The following PDGFRB variants were observed in gnomAD, a reference collection of about 807,000 sequenced individuals.
PDGFRB encodes platelet derived growth factor receptor beta, also known as platelet-derived growth factor receptor beta.
Under a neutral mutation model 120.2 loss-of-function variants are expected in PDGFRB, and 42 were observed. The ratio of observed to expected loss-of-function variants is 0.35; its 90% confidence interval spans 0.27 to 0.45. The LOEUF (loss-of-function observed/expected upper bound fraction) is 0.45. Ranked by LOEUF, PDGFRB falls within the 20% of genes least tolerant of loss-of-function variation. PDGFRB has a pLI of 1.00. For synonymous variants in PDGFRB, 586 were observed against 606.8 expected (o/e 0.97, Z 0.50); for missense variants, 1,149 against 1,476.3 (o/e 0.78, Z 3.63).
intron 1 of PDGFRB, among the ~76,000 whole-genome samples, chr5:150,148,142 G>A (rs766171948): frequency 3.0e-4 from 46 of 152,308 alleles, no homozygotes; most frequent in Non-Finnish European, 6.2e-4. Context: ...CACACTCGGC[G>A]ATTCGGTGGC....
rs528424609 is a variant in PDGFRB, at chr5:150,144,454, C to T, written c.-6-7401G>A. 4.7e-4 allele frequency among the ~76,000 whole-genome samples: 72 copies of T among 152,180 alleles called. 1 individual carries two copies. The highest frequency in any genetic ancestry group is 1.3e-4 in the Non-Finnish European group (9 of 68,040). ...CTGCATGCTCCTCTCCCCATGAGGC[C>T]TCCCCAGGGAACACAATGGAAAGAA... On this transcript the variant is annotated intron_variant, in intron 1 of 22. Coordinates refer to ENST00000261799, the MANE Select transcript of PDGFRB (RefSeq NM_002609.4).
At chr5:150,117,924 G>A (rs1016469644) in intron 21 of PDGFRB, 74 bp from the exon 22 acceptor site, 14 of 805,968 alleles carry the variant, frequency 1.7e-5, no homozygotes, top group Admixed American at 1.1e-4. Context: ...TCTTCTAACC[G>A]AGCCCATCCC....
At chr5:150,134,180 C>T (rs1760558260) in intron 4 of PDGFRB, 172 bp from the exon 5 acceptor site, 3 of 643,508 alleles carry the variant, frequency 4.7e-6, no homozygotes, top group Non-Finnish European at 8.3e-6. Context: ...ATTCTGGACA[C>T]TGGAGCAACA....
intron 8 of PDGFRB, 25 bp from the exon 9 acceptor site, chr5:150,130,687 G>C: frequency 6.2e-7 from 1 of 1,611,140 alleles, no homozygotes. Context: ...CACTGAGTTA[G>C]GAGGCGGGAG....
Position 150,121,260 on chromosome 5 carries a change from G to C in PDGFRB, c.2407C>G (p.Leu803Val), listed in dbSNP as rs2113889802. 1 of 1,609,346 alleles carries C rather than the reference G, an allele frequency of 6.2e-7. No individual in the cohort carries two copies. The highest frequency in any genetic ancestry group is 8.5e-7 in the Non-Finnish European group (1 of 1,175,718). The change falls in exon 17 of 23, where the codon CTC (leucine) becomes GTC (valine). Residue 803 changes from leucine to valine, a missense_variant. Transcript: ENST00000261799. This position sits in a 1 kb window ranked among gnomAD's most constrained non-coding sequence, Gnocchi z 4.1. ...NESPVLSYMDLVGFSYQVANG... is the reference protein window; with the variant it reads ...NESPVLSYMDVVGFSYQVANG... ...GCCACCTGGTAGCTGAAGCCCACGA[G>C]GTCCATGTAGCTTAGCACTGGAGAC...
At chr5:150,125,673 C>A (rs1760274872) in intron 11 of PDGFRB, 96 bp from the exon 12 acceptor site, 1 of 1,221,732 alleles carries the variant, frequency 8.2e-7, no homozygotes, top group South Asian at 1.4e-5. Context: ...GCAGGAGACC[C>A]TGAGGCCCAG....
chr5:150,117,576 ACACT>A (rs748045679), intron 22 of PDGFRB, 38 bp downstream of exon 22: 2 of 1,067,392 alleles, frequency 1.9e-6, no homozygotes, highest in East Asian at 2.4e-5. Context: ...ACACACACAC[ACACT>A]GTGCACAATT....
At chr5:150,125,889 GT>G (rs920064030) in intron 11 of PDGFRB, among the ~76,000 whole-genome samples, 17 of 152,248 alleles carry the variant, frequency 1.1e-4, no homozygotes, top group African/African-American at 4.1e-4. Context: ...TCAGATGGAA[GT>G]AGTAGAGCAG....
In PDGFRB at chr5:150,134,007, C is replaced by T; in HGVS notation, c.633G>A (p.Val211=). 1.9e-6 allele frequency: 3 copies of T among 1,614,026 alleles called. No individual in the cohort carries two copies. The highest frequency in any genetic ancestry group is 2.5e-6 in the Non-Finnish European group (3 of 1,179,962). ...CGTTCACAGAGACGTTGATGGATGA[C>T]ACTGGTAGAGAGAGATTGGCTTAGG... ...SDAYYVYRLQ[V]SSINVSVNAV... Residue 211 remains valine, a splice_region_variant and synonymous_variant, in exon 5 of 23, where the codon GTG becomes GTA. Coordinates refer to ENST00000261799, the MANE Select transcript of PDGFRB (RefSeq NM_002609.4).
At chr5:150,131,921 AG>A (rs1159365458) in intron 8 of PDGFRB, 57 bp downstream of exon 8, 83 of 899,934 alleles carry the variant, frequency 9.2e-5, no homozygotes, top group Admixed American at 3.2e-4. Flanking sequence ...AGGAAGGGAG[AG>A]GGAACGGGGG....
At position 150,117,542 on chromosome 5, in the gene PDGFRB, G is replaced by GCACACACACA. The variant is rs1289430637; in HGVS notation, c.3137+75_3137+76insTGTGTGTGTG. 297 of 463,294 alleles carry GCACACACACA rather than the reference G, an allele frequency of 6.4e-4. 2 individuals are homozygous for GCACACACACA. Among genetic ancestry groups the GCACACACACA allele is most frequent in the East Asian group, 4.2e-3 (138 of 32,592 alleles). The allele number at this position is 463,294 out of a possible 1,614,324, so 28.7% of individuals were successfully genotyped here. On this transcript the variant is annotated intron_variant, in intron 22 of 22. Coordinates refer to ENST00000261799, the MANE Select transcript of PDGFRB (RefSeq NM_002609.4). ...CAAACCTGGCAGCGCGCGCGCGCGC[G>GCACACACACA]CGCACACACACACACACACACACAC...
chr5:150,146,128 C>T (rs947500691), intron 1 of PDGFRB, among the ~76,000 whole-genome samples: 1 of 151,910 alleles, frequency 6.6e-6, no homozygotes, highest in Non-Finnish European at 1.5e-5. Flanking sequence ...CACCTGTGGC[C>T]CATTTCATTC....
At chr5:150,153,374 A>G (rs2113936242) in intron 1 of PDGFRB, 1 of 152,382 alleles carries the variant, frequency 6.6e-6, no homozygotes, top group South Asian at 2.1e-4. Flanking sequence ...TGCTGAAGCC[A>G]GGAGCAGGCT....
chr5:150,132,068 C>G lies in PDGFRB; in HGVS notation c.1154G>C (p.Arg385Pro), dbSNP rs375122221. 6.2e-7 allele frequency: 1 copy of G among 1,608,938 alleles called. No homozygotes were observed. The highest frequency in any genetic ancestry group is 8.5e-7 in the Non-Finnish European group (1 of 1,175,356). ...TRYVSELTLV[R>P]VKVAEAGHYT... ...GTGGCCAGCCTCTGCCACCTTCACG[C>G]GAACCAGTGTCAGCTCTGACACATA... is the stretch of plus-strand genomic sequence containing the variant. The change falls in exon 8 of 23, where the codon CGC (arginine) becomes CCC (proline). Residue 385 changes from arginine to proline, a missense_variant. Arg to Pro is a moderately radical substitution (Grantham distance 103). Around this residue, in one of 3 missense-constraint regions of PDGFRB, gnomAD observed 879 missense variants for 1,108.6 expected, o/e 0.79. Coordinates refer to ENST00000261799, the MANE Select transcript of PDGFRB (RefSeq NM_002609.4). This position sits in a 1 kb window ranked among gnomAD's most constrained non-coding sequence, Gnocchi z 5.0.
chr5:150,135,634 C>T lies in PDGFRB; in HGVS notation c.285G>A (p.Thr95=), dbSNP rs556826386. The part of the protein sequence containing the change: ...LTLTNLTGLD[T]GEYFCTHNDS... ...CATTGTGGGTGCAAAAGTATTCTCC[C>T]GTGTCTAGCCCAGTGAGGTTGGTCA... Residue 95 remains threonine (T), a synonymous_variant, in exon 3 of 23, where the codon ACG becomes ACA. Coordinates refer to ENST00000261799, the MANE Select transcript of PDGFRB (RefSeq NM_002609.4). The T allele has an allele frequency of 1.1e-5, 18 of 1,613,964 alleles. No individual in the cohort carries two copies. The highest frequency in any genetic ancestry group is 2.2e-5 in the East Asian group (1 of 44,882).
chr5:150,130,770 G>A (rs2113904448), intron 8 of PDGFRB, 108 bp from the exon 9 acceptor site: 3 of 890,630 alleles, frequency 3.4e-6, no homozygotes, highest in East Asian at 4.9e-5. Flanking sequence ...GAGGAGGGCT[G>A]TAGACTGCAG....
rs900848864 is a variant in PDGFRB at position 150,115,923 on chromosome 5, G to C, written c.3161C>G (p.Thr1054Ser). 2.6e-5 allele frequency: 42 copies of C among 1,585,826 alleles called. No homozygotes were observed. Among genetic ancestry groups the C allele is most frequent in the Non-Finnish European group, 3.6e-5 (42 of 1,164,420 alleles). The change falls in exon 23 of 23, where the codon ACC (threonine) becomes AGC (serine). Residue 1054 changes from threonine (T) to serine (S), a missense_variant. By Grantham distance (58) the Thr-to-Ser change is moderately conservative. This residue lies in a region of PDGFRB where 202 missense variants were observed against 214.3 expected (regional missense o/e 0.94). Coordinates refer to ENST00000261799, the MANE Select transcript of PDGFRB (RefSeq NM_002609.4). ...LASSTLNEVN[T>S]SSTISCDSPL... ...GCTGTCACAGGAGATGGTTGAGGAG[G>C]TGTTGACTTCATTCAGGGTGGAGCT...
At chr5:150,141,977 G>A (rs79913727) in intron 1 of PDGFRB, among the ~76,000 whole-genome samples, 7,633 of 152,012 alleles carry the variant, frequency 0.05, 235 homozygotes, top group South Asian at 0.071. Context: ...TGCAGGGAGA[G>A]GGGGGTGCTG....
At position 150,120,130 on chromosome 5, in the gene PDGFRB, G is replaced by C; in HGVS notation, c.2587-7C>G. ...ACTTTAAAGGCAAAAAGGTCTGTAG[G>C]GAGGTCAGGACAGGTGCTGAGTGCA... is the stretch of plus-strand genomic sequence containing the variant. On this transcript the variant is annotated splice_polypyrimidine_tract_variant and splice_region_variant and intron_variant, in intron 18 of 22. Transcript: ENST00000261799. This position sits in a 1 kb window ranked among gnomAD's most constrained non-coding sequence, Gnocchi z 4.3. 7.5e-7 allele frequency: 1 copy of C among 1,334,350 alleles called. No homozygotes were observed. The highest frequency in any genetic ancestry group is 2.3e-5 in the East Asian group (1 of 43,772). 82.7% of individuals were successfully genotyped at this position (1,334,350 alleles called of 1,614,324 possible). A position where few individuals can be genotyped will look rare whatever the true frequency, so the allele number is the denominator to read the frequency against.
Sources: gnomAD v4.1 joint callset for allele counts (sites outside exome capture counted in the v4.1 genomes callset) on GRCh38, gnomAD v4.1.1 for gene constraint, gnomAD v4.1.1 regional missense constraint, Gnocchi (gnomAD v3.1) non-coding constraint, MANE v1.5 for transcripts, NCBI Gene and HGNC (gene_info 2026-07-23, HGNC 2026-07-21) for gene names.